Variants in UGCG observed in about 807,000 individuals in gnomAD.
UGCG encodes the protein UDP-glucose ceramide glucosyltransferase.
A neutral mutation model predicts 49.5 loss-of-function variants in UGCG; 10 were observed. That is an observed-to-expected ratio of 0.20 (90% CI 0.12 to 0.34). UGCG has a LOEUF of 0.34. UGCG is among the 10% of genes least tolerant of loss of function. The pLI is 1.00. For synonymous variants in UGCG, 182 were observed against 158.2 expected, an observed-to-expected ratio of 1.15 and a Z score of -1.13; for missense variants, 312 against 483.7, an observed-to-expected ratio of 0.65 and a Z score of 3.33.
chr9:111,918,866 A>G (rs1295050762), intron 2 of UGCG, among the ~76,000 whole-genome samples: 1 of 150,302 alleles, frequency 6.7e-6, no homozygotes, highest in African/African-American at 2.4e-5. Context: ...CGGAGCTTGC[A>G]GTGAGCGGAG....
At chr9:111,920,157 C>T (rs1813753230) in intron 2 of UGCG, among the ~76,000 whole-genome samples, 1 of 151,896 alleles carries the variant, frequency 6.6e-6, no homozygotes, top group African/African-American at 2.4e-5. Flanking sequence ...TGGCAATTTT[C>T]GTCAGTCATC....
intron 2 of UGCG, chr9:111,915,882 T>C: frequency 1.0e-6 from 1 of 956,652 alleles, no homozygotes; most frequent in Non-Finnish European, 1.2e-6. Flanking sequence ...AGTGTTTTTA[T>C]ATTATTGCTT....
chr9:111,914,691 T>A lies in UGCG; in HGVS notation c.185T>A (p.Val62Glu), dbSNP rs759459771. Residue 62 changes from valine (V) to glutamate (E), a missense_variant, in exon 2 of 9, where the codon GTA becomes GAA. By Grantham distance (121) the Val-to-Glu change is moderately radical. Transcript: ENST00000374279. ...TCTCTTCTGAAACCACTGAAAGGGG[T>A]AGATCCTAACTTAATCAACAACCTG... The part of the protein sequence containing the change: ...GVSLLKPLKG[V>E]DPNLINNLET... 1.9e-6 allele frequency: 3 copies of A among 1,613,952 alleles called. No homozygotes were observed. The African/African-American group carries it at 4.0e-5, about 22-fold the overall frequency.
chr9:111,930,470 G>GT lies in UGCG; in HGVS notation c.738-784dup, dbSNP rs35175614. 6.5e-3 allele frequency among the ~76,000 whole-genome samples: 869 copies of GT among 132,954 alleles called. 18 individuals are homozygous for GT. The South Asian group carries it at 0.078, about 12-fold the overall frequency. 87.2% of individuals were successfully genotyped at this position (132,954 alleles called of 152,430 possible). ...ATCACAAAATACTTGTTTTGTTTTG[G>GT]TTTTTTTTTTTTTTTTTGAGACAGT... On this transcript the variant is annotated intron_variant, in intron 6 of 8. Transcript: ENST00000374279.
In UGCG at chr9:111,911,927, T is replaced by TATATATATATATATATTCAACAGG. The variant is rs1838008828; in HGVS notation, c.99-2662_99-2661insTCAACAGGATATATATATATATAT. 1.6e-4 allele frequency among the ~76,000 whole-genome samples: 4 copies of TATATATATATATATATTCAACAGG among 24,788 alleles called. No individual in the cohort carries two copies. The East Asian group carries it at 9.1e-3, about 56-fold the overall frequency. The allele number at this position is 24,788 out of a possible 152,430, so 16.3% of individuals were successfully genotyped here. ...CAGGATATATATATATATATATATA[T>TATATATATATATATATTCAACAGG]ATATATATATATATATATATATATA... is the stretch of plus-strand genomic sequence containing the variant. On this transcript the variant is annotated intron_variant, in intron 1 of 8. Transcript: ENST00000374279.
chr9:111,931,132 C>A, intron 6 of UGCG, 139 bp from the exon 7 acceptor site: 1 of 728,708 alleles, frequency 1.4e-6, no homozygotes, highest in Non-Finnish European at 2.2e-6. Context: ...GACCTTAAGT[C>A]ATGTGCTAAT....
chr9:111,913,888 CATT>C (rs1003508326), intron 1 of UGCG, among the ~76,000 whole-genome samples: 1 of 152,148 alleles, frequency 6.6e-6, no homozygotes, highest in Non-Finnish European at 1.5e-5. Context: ...TTTTTCTCAT[CATT>C]GAGTTTTTTT....
At chr9:111,921,287 T>C (rs1181894992) in intron 2 of UGCG, among the ~76,000 whole-genome samples, 1 of 152,030 alleles carries the variant, frequency 6.6e-6, no homozygotes, top group Non-Finnish European at 1.5e-5. Context: ...GGGAAAAAAA[T>C]CACTACTTAG....
At chr9:111,925,556 A>G (rs1838300333) in intron 4 of UGCG, among the ~76,000 whole-genome samples, 1 of 152,248 alleles carries the variant, frequency 6.6e-6, no homozygotes, top group Non-Finnish European at 1.5e-5. Context: ...AAGCAAAAAT[A>G]TCTTCAGATG....
At chr9:111,901,969 G>A (rs1171811860) in intron 1 of UGCG, among the ~76,000 whole-genome samples, 1 of 152,138 alleles carries the variant, frequency 6.6e-6, no homozygotes, top group Non-Finnish European at 1.5e-5. Flanking sequence ...CATTGCCTCC[G>A]GGTTACAGTT....
intron 4 of UGCG, among the ~76,000 whole-genome samples, 162 bp from the exon 5 acceptor site, chr9:111,926,222 A>G (rs1838309831): frequency 6.6e-6 from 1 of 152,240 alleles, no homozygotes; most frequent in Non-Finnish European, 1.5e-5. Context: ...TATTCTCCTC[A>G]GAAAGGTGGT....
chr9:111,929,475 T>C lies in UGCG; in HGVS notation c.559-25T>C, dbSNP rs887908908. 2.5e-6 allele frequency: 4 copies of C among 1,595,344 alleles called. No individual in the cohort carries two copies. In the African/African-American group the frequency reaches 5.4e-5, roughly 22 times the overall value. On this transcript the variant is annotated intron_variant, in intron 5 of 8. Coordinates refer to ENST00000374279, the MANE Select transcript of UGCG (RefSeq NM_003358.3). ...TGCTTTTAACATGAAATTCTAATCATACACGTTTGTGGTTTTTTGGGCAGG... is the reference window on the plus strand; with the variant it reads ...TGCTTTTAACATGAAATTCTAATCACACACGTTTGTGGTTTTTTGGGCAGG...
In UGCG at chr9:111,932,947, C is replaced by T. The variant is rs1452545699; in HGVS notation, c.1135C>T (p.Arg379Cys). Residue 379 changes from arginine to cysteine, a missense_variant, in exon 9 of 9, where the codon CGC (arginine) becomes TGC (cysteine). By Grantham distance (180) the Arg-to-Cys change is radical. This residue lies in a region of UGCG where 180 missense variants were observed against 320.4 expected (regional missense o/e 0.56). Transcript: ENST00000374279. ...CCCAACTATAAGCTGGAGAACTGGT[C>T]GCTACAGATTACGCTGTGGGGGTAC... The part of the protein sequence containing the change: ...WDPTISWRTG[R>C]YRLRCGGTAE... 6.2e-7 allele frequency: 1 copy of T among 1,611,326 alleles called. No homozygotes were observed.
At chr9:111,919,565 G>A (rs546699067) in intron 2 of UGCG, among the ~76,000 whole-genome samples, 84 of 152,172 alleles carry the variant, frequency 5.5e-4, no homozygotes, top group African/African-American at 2.0e-3. Flanking sequence ...GCCGAGGCAG[G>A]CAGATCACGA....
chr9:111,907,650 A>T (rs1052667987), intron 1 of UGCG, among the ~76,000 whole-genome samples: 60 of 136,930 alleles, frequency 4.4e-4, no homozygotes, highest in African/African-American at 1.5e-3. Flanking sequence ...TTTGAGATGG[A>T]ATCTTGCTCT....
At chr9:111,905,885 C>T (rs1837873614) in intron 1 of UGCG, among the ~76,000 whole-genome samples, 16 of 152,194 alleles carry the variant, frequency 1.1e-4, no homozygotes, top group Admixed American at 1.0e-3. Context: ...CTAGGCTAAC[C>T]TTACCTGCTG....
At chr9:111,911,559 C>A (rs932770041) in intron 1 of UGCG, among the ~76,000 whole-genome samples, 4 of 151,884 alleles carry the variant, frequency 2.6e-5, no homozygotes, top group African/African-American at 9.7e-5. Context: ...TTTCTTTTAT[C>A]AGACCCTCTT....
chr9:111,933,141 T>C lies in UGCG; in HGVS notation c.*144T>C, dbSNP rs1208130754. On this transcript the variant is annotated 3_prime_UTR_variant, in exon 9 of 9. Transcript: ENST00000374279. ...TCTTTAATTTATTTTTGCATGGCAC[T>C]TGCATCTGTGAAAAAAAAAAAAAAC... The C allele has an allele frequency of 3.9e-6, 3 of 763,208 alleles. No individual in the cohort carries two copies. The East Asian group carries it at 1.0e-4, about 26-fold the overall frequency. 47.3% of individuals were successfully genotyped at this position (763,208 alleles called of 1,614,324 possible).
chr9:111,931,282 T>A lies in UGCG; in HGVS notation c.749T>A (p.Phe250Tyr), dbSNP rs1399652881. 1 of 1,613,810 alleles carries A rather than the reference T, an allele frequency of 6.2e-7. No homozygotes were observed. The highest frequency in any genetic ancestry group is 2.2e-5 in the East Asian group (1 of 44,870). ...ATCTTAATTTTCAGAGGTTGGAGGTTTGCAATGTCCACTCAAGTTGCAATG... is the reference window on the plus strand; with the variant it reads ...ATCTTAATTTTCAGAGGTTGGAGGTATGCAATGTCCACTCAAGTTGCAATG... ...AKAIADRGWR[F>Y]AMSTQVAMQN... The change falls in exon 7 of 9, where the codon TTT (phenylalanine) becomes TAT (tyrosine). Residue 250 changes from phenylalanine to tyrosine, a missense_variant. Transcript: ENST00000374279.
Sources: gnomAD v4.1 joint callset for allele counts (sites outside exome capture counted in the v4.1 genomes callset) on GRCh38, gnomAD v4.1.1 for gene constraint, gnomAD v4.1.1 regional missense constraint, MANE v1.5 for transcripts, NCBI Gene and HGNC (gene_info 2026-07-23, HGNC 2026-07-21) for gene names.